SAR1B: variants seen among roughly 807,000 people sequenced by gnomAD.
The protein encoded by SAR1B is small COPII coat GTPase SAR1B.
In SAR1B, 23 loss-of-function variants were observed where a neutral mutation model predicts 26.8. That is an observed-to-expected ratio of 0.86 (90% CI 0.62 to 1.22). The LOEUF is 1.22. Among genes scored for constraint, SAR1B ranks in the 50% most tolerant of loss-of-function variants. The pLI is 0.00. For synonymous variants in SAR1B, 65 were observed against 80.8 expected (o/e 0.80, Z 1.05); for missense variants, 196 against 232.8 (o/e 0.84, Z 1.03).
intron 1 of SAR1B, among the ~76,000 whole-genome samples, chr5:134,630,088 C>T (rs1301518542): frequency 6.6e-6 from 1 of 151,104 alleles, no homozygotes; most frequent in Non-Finnish European, 1.5e-5. Flanking sequence ...CATAGTGAAA[C>T]CCCGAGTTGG....
At position 134,606,542 on chromosome 5, in the gene SAR1B, A is replaced by G; in HGVS notation, c.*408T>C. On this transcript the variant is annotated 3_prime_UTR_variant, in exon 7 of 7. Transcript: ENST00000402673. ...TAAGCTAATTATTAACTGTACACTT[A>G]AGATAGGTGGACATATAATCTAAAA... The G allele has an allele frequency of 4.5e-6, 1 of 221,382 alleles. No homozygotes were observed. Among genetic ancestry groups the G allele is most frequent in the Non-Finnish European group, 9.2e-6 (1 of 108,378 alleles). 13.7% of individuals were successfully genotyped at this position (221,382 alleles called of 1,614,324 possible).
chr5:134,625,105 G>A (rs1370173354), intron 1 of SAR1B, among the ~76,000 whole-genome samples: 3 of 152,148 alleles, frequency 2.0e-5, no homozygotes, highest in African/African-American at 4.8e-5. Flanking sequence ...GAGGAAAGAT[G>A]GCCAGAAAAT....
rs1403268691 is a variant in SAR1B at position 134,605,370 on chromosome 5, A to G, written c.*1580T>C. ...TGGCACTTACCTTTCATCTTATATT[A>G]CTAATGATGGGAATCTCAAACATAT... On this transcript the variant is annotated 3_prime_UTR_variant, in exon 7 of 7. Coordinates refer to ENST00000402673, the MANE Select transcript of SAR1B (RefSeq NM_016103.4). 6.6e-6 allele frequency: 1 copy of G among 152,182 alleles called. No homozygotes were observed. The highest frequency in any genetic ancestry group is 1.5e-5 in the Non-Finnish European group (1 of 68,034). The allele number at this position is 152,182 out of a possible 1,614,324, so 9.4% of individuals were successfully genotyped here. A position where few individuals can be genotyped will look rare whatever the true frequency, so the allele number is the denominator to read the frequency against.
chr5:134,623,812 G>T (rs1765451986), intron 2 of SAR1B, 150 bp downstream of exon 2: 1 of 648,492 alleles, frequency 1.5e-6, no homozygotes, highest in South Asian at 1.8e-5. Context: ...GATACAATGA[G>T]TAATTGAACA....
chr5:134,621,128 T>A, intron 2 of SAR1B, 76 bp from the exon 3 acceptor site: 1 of 1,510,652 alleles, frequency 6.6e-7, no homozygotes, highest in East Asian at 2.3e-5. Context: ...TTTGGCCCAA[T>A]TAAGCTTGAA....
chr5:134,612,240 T>C (rs555970763), intron 4 of SAR1B, among the ~76,000 whole-genome samples: 4 of 152,182 alleles, frequency 2.6e-5, no homozygotes, highest in African/African-American at 9.6e-5. Context: ...TCATACACTT[T>C]ACCACCAAAA....
intron 1 of SAR1B, among the ~76,000 whole-genome samples, chr5:134,626,105 C>A (rs1268263279): frequency 6.6e-6 from 1 of 151,646 alleles, no homozygotes; most frequent in Non-Finnish European, 1.5e-5. Flanking sequence ...TCAAGATCAG[C>A]CTGGCCAACG....
intron 1 of SAR1B, 30 bp from the exon 2 acceptor site, chr5:134,624,067 C>T: frequency 3.4e-6 from 4 of 1,186,458 alleles, no homozygotes; most frequent in Non-Finnish European, 5.1e-6. Context: ...ATTTAGTAGT[C>T]AACATTAAAC....
chr5:134,608,261 T>C, intron 6 of SAR1B, 111 bp downstream of exon 6: 2 of 1,170,094 alleles, frequency 1.7e-6, no homozygotes, highest in Non-Finnish European at 2.4e-6. Flanking sequence ...TAAATGACAG[T>C]TTTCTTTAAG....
At chr5:134,612,822 G>C (rs1765242542) in intron 3 of SAR1B, 66 bp from the exon 4 acceptor site, 1 of 1,431,672 alleles carries the variant, frequency 7.0e-7, no homozygotes. Flanking sequence ...AAAAAGTAAA[G>C]TAGAGGTTCC....
chr5:134,617,978 T>A (rs1765341672), intron 3 of SAR1B, among the ~76,000 whole-genome samples: 1 of 152,124 alleles, frequency 6.6e-6, no homozygotes, highest in South Asian at 2.1e-4. Flanking sequence ...TGTTCTTATA[T>A]CAGAATCTTA....
chr5:134,606,609 T>G lies in SAR1B; in HGVS notation c.*341A>C, dbSNP rs1188132233. 2 of 243,606 alleles carry G rather than the reference T, an allele frequency of 8.2e-6. No homozygotes were observed. Among genetic ancestry groups the G allele is most frequent in the African/African-American group, 4.5e-5 (2 of 44,482 alleles). The allele number at this position is 243,606 out of a possible 1,614,324, so 15.1% of individuals were successfully genotyped here. A position where few individuals can be genotyped will look rare whatever the true frequency, so the allele number is the denominator to read the frequency against. On this transcript the variant is annotated 3_prime_UTR_variant, in exon 7 of 7. Transcript: ENST00000402673. ...AGAAAAGTACATAAAAAATTTAACA[T>G]GATGAGCTTTTAAATATGGTTTATA...
intron 3 of SAR1B, among the ~76,000 whole-genome samples, chr5:134,619,068 G>A (rs914683740): frequency 1.3e-5 from 2 of 151,866 alleles, no homozygotes; most frequent in Non-Finnish European, 2.9e-5. Flanking sequence ...GGTGGCTCAT[G>A]CCTGTAATCC....
At chr5:134,609,060 CT>C in intron 5 of SAR1B, 1 of 456,480 alleles carries the variant, frequency 2.2e-6, no homozygotes, top group Non-Finnish European at 4.4e-6. Flanking sequence ...AATCATGGAC[CT>C]GCTTACTCTG....
chr5:134,616,437 CAA>C (rs200324694), intron 3 of SAR1B, among the ~76,000 whole-genome samples: 28 of 68,346 alleles, frequency 4.1e-4, no homozygotes, highest in Admixed American at 5.0e-4. Context: ...GACTTTGTCT[CAA>C]AAAAAAAAAA....
intron 2 of SAR1B, among the ~76,000 whole-genome samples, chr5:134,621,475 AAAATAAATAAATAAATAAAT>A (rs56349566): frequency 4.7e-5 from 7 of 148,294 alleles, no homozygotes; most frequent in South Asian, 4.3e-4. Context: ...TCTGTCTCAA[AAAATAAATAAATAAATAAAT>A]AAATAAATAA....
chr5:134,620,603 G>A (rs1308475520), intron 3 of SAR1B, among the ~76,000 whole-genome samples: 9 of 152,196 alleles, frequency 5.9e-5, no homozygotes, highest in South Asian at 4.1e-4. Context: ...GCTCACGCCT[G>A]TAATCCCAAT....
At chr5:134,617,296 G>A (rs192711862) in intron 3 of SAR1B, among the ~76,000 whole-genome samples, 1 of 152,134 alleles carries the variant, frequency 6.6e-6, no homozygotes, top group Non-Finnish European at 1.5e-5. Context: ...TTTTGTACAA[G>A]GTTTTTGGTA....
intron 1 of SAR1B, among the ~76,000 whole-genome samples, chr5:134,629,703 AC>A (rs1360921610): frequency 2.7e-5 from 4 of 150,254 alleles, no homozygotes; most frequent in East Asian, 1.9e-4. Flanking sequence ...TCTCAAAAAA[AC>A]AAACAAACAA....
Sources: allele counts gnomAD v4.1 joint callset (sites outside exome capture counted in the v4.1 genomes callset), GRCh38; gene constraint gnomAD v4.1.1; transcripts MANE v1.5; gene names NCBI Gene and HGNC (gene_info 2026-07-23, HGNC 2026-07-21).